Variants in LCOR observed in about 807,000 individuals in gnomAD.
The protein encoded by LCOR is ligand dependent nuclear receptor corepressor, also known as ligand-dependent corepressor.
A neutral mutation model predicts 64.4 loss-of-function variants in LCOR; 14 were observed. The observed-to-expected ratio is 0.22, with a 90% CI of 0.14 to 0.34. The LOEUF (loss-of-function observed/expected upper bound fraction) is 0.34, where lower values mean the gene tolerates loss of function less well. Among genes scored for constraint, LCOR ranks in the 10% least tolerant of loss-of-function variants. The probability of loss-of-function intolerance (pLI) is 1.00; values close to 1 mark genes in which losing one functional copy is unlikely to be tolerated. For synonymous variants in LCOR, 643 were observed against 642.5 expected, an observed-to-expected ratio of 1.00 and a Z score of -0.01; for missense variants, 1,686 against 1,765.3, an observed-to-expected ratio of 0.96 and a Z score of 0.80.
intron 4 of LCOR, among the ~76,000 whole-genome samples, chr10:96,940,269 G>C (rs191665003): frequency 7.7e-6 from 1 of 130,376 alleles, no homozygotes; most frequent in Non-Finnish European, 1.6e-5. Flanking sequence ...ATAAAAGAAT[G>C]TTGGCAAATA....
At chr10:96,947,748 T>A (rs927205640) in intron 5 of LCOR, among the ~76,000 whole-genome samples, 2 of 151,894 alleles carry the variant, frequency 1.3e-5, no homozygotes, top group African/African-American at 2.4e-5. Context: ...TTTTTTTTTT[T>A]AAAGGACTAT....
intron 4 of LCOR, among the ~76,000 whole-genome samples, chr10:96,938,517 A>C (rs1438222024): frequency 6.6e-6 from 1 of 152,150 alleles, no homozygotes; most frequent in African/African-American, 2.4e-5. Context: ...CCACCGTTGT[A>C]CATGAGGTTC....
At chr10:96,850,754 A>G (rs1426703516) in intron 2 of LCOR, among the ~76,000 whole-genome samples, 3 of 152,178 alleles carry the variant, frequency 2.0e-5, no homozygotes, top group Admixed American at 6.5e-5. Flanking sequence ...GGCTTACTAA[A>G]TTTTAAAAGA....
chr10:96,938,093 G>C (rs1361443004), intron 4 of LCOR, among the ~76,000 whole-genome samples: 1 of 152,158 alleles, frequency 6.6e-6, no homozygotes, highest in Non-Finnish European at 1.5e-5. Flanking sequence ...TGCGACCACA[G>C]ATGTGCACCA....
At chr10:96,838,600 G>C (rs950341230) in intron 2 of LCOR, among the ~76,000 whole-genome samples, 1 of 152,124 alleles carries the variant, frequency 6.6e-6, no homozygotes, top group Non-Finnish European at 1.5e-5. Flanking sequence ...TTTGTGCCTG[G>C]CTTCTTTCAC....
chr10:96,931,715 T>C (rs915448634), intron 4 of LCOR, among the ~76,000 whole-genome samples: 1 of 152,184 alleles, frequency 6.6e-6, no homozygotes, highest in Admixed American at 6.5e-5. Context: ...GTATACAAAA[T>C]TAAATTTTAT....
intron 2 of LCOR, among the ~76,000 whole-genome samples, chr10:96,864,353 T>A (rs1254774907): frequency 6.6e-6 from 1 of 152,246 alleles, no homozygotes; most frequent in East Asian, 1.9e-4. Context: ...TTCAGTTGAT[T>A]TTTCAAACAA....
At chr10:96,941,593 T>C (rs1173760842) in intron 4 of LCOR, among the ~76,000 whole-genome samples, 1 of 144,020 alleles carries the variant, frequency 6.9e-6, no homozygotes, top group Non-Finnish European at 1.5e-5. Context: ...GAGACGCTCC[T>C]CACTTTCCAG....
At chr10:96,863,848 A>T (rs1589614029) in intron 2 of LCOR, among the ~76,000 whole-genome samples, 1 of 152,156 alleles carries the variant, frequency 6.6e-6, no homozygotes, top group Admixed American at 6.5e-5. Flanking sequence ...GCCTTCTTTC[A>T]TGATGCTATC....
intron 4 of LCOR, among the ~76,000 whole-genome samples, chr10:96,920,555 T>TGTGTATATATGTATGTATATTCATATAG (rs1554837225): frequency 6.8e-6 from 1 of 147,492 alleles, no homozygotes; most frequent in African/African-American, 2.5e-5. Context: ...TTCATATATA[T>TGTGTATATATGTATGTATATTCATATAG]GTGTATATAT....
chr10:96,848,403 AT>A (rs1317332802), intron 2 of LCOR, among the ~76,000 whole-genome samples: 1 of 152,236 alleles, frequency 6.6e-6, no homozygotes, highest in Admixed American at 6.5e-5. Context: ...CACGCCTGTA[AT>A]CCCAACACTT....
intron 2 of LCOR, among the ~76,000 whole-genome samples, chr10:96,839,699 T>A (rs1845506313): frequency 6.6e-6 from 1 of 152,232 alleles, no homozygotes; most frequent in Non-Finnish European, 1.5e-5. Context: ...TTGCTTTTTT[T>A]TTTTGAGACG....
intron 4 of LCOR, among the ~76,000 whole-genome samples, chr10:96,917,690 A>G (rs577850739): frequency 6.6e-6 from 1 of 152,296 alleles, no homozygotes; most frequent in South Asian, 2.1e-4. Context: ...GGGTCTTATA[A>G]TAATTCACAA....
At chr10:96,872,124 A>C (rs1010515888) in intron 2 of LCOR, among the ~76,000 whole-genome samples, 1 of 152,234 alleles carries the variant, frequency 6.6e-6, no homozygotes, top group East Asian at 1.9e-4. Flanking sequence ...TAGCTAACTC[A>C]CATGCTACTA....
rs1266056197 is a variant in LCOR at position 96,955,368 on chromosome 10, C to T, written c.332+3172C>T. ...AAAAAAGGATGTGAGCCATTCATCT[C>T]CTGTAGATTTAAAGATACCACAAGT... is the stretch of plus-strand genomic sequence containing the variant. On this transcript the variant is annotated intron_variant, in intron 7 of 7. Transcript: ENST00000421806. 9 of 1,614,042 alleles carry T rather than the reference C, an allele frequency of 5.6e-6. 1 individual carries two copies. The South Asian group carries it at 8.8e-5, about 16-fold the overall frequency.
chr10:96,891,482 C>CT (rs745839487), intron 2 of LCOR, among the ~76,000 whole-genome samples: 2,804 of 28,482 alleles, frequency 0.098, 244 homozygotes, highest in East Asian at 0.17. Context: ...TTTTCTGACT[C>CT]TTTTTTTTTT....
At chr10:96,908,007 T>A (rs1272694291) in intron 4 of LCOR, 1 of 152,176 alleles carries the variant, frequency 6.6e-6, no homozygotes, top group African/African-American at 2.4e-5. Context: ...GTTTTTTTTT[T>A]ATTTTGAGAC....
intron 7 of LCOR, among the ~76,000 whole-genome samples, chr10:96,965,878 T>C (rs1414663655): frequency 6.6e-6 from 1 of 152,120 alleles, no homozygotes; most frequent in East Asian, 1.9e-4. Context: ...TTTATGGTCA[T>C]TTCCTGCCGT....
chr10:96,964,582 A>G (rs1324847759), intron 7 of LCOR: 23 of 152,208 alleles, frequency 1.5e-4, no homozygotes, highest in Non-Finnish European at 1.5e-5. Context: ...TCTAGATGCA[A>G]TCTTTTAGAT....
Sources: gnomAD v4.1 joint callset for allele counts (sites outside exome capture counted in the v4.1 genomes callset) on GRCh38, gnomAD v4.1.1 for gene constraint, MANE v1.5 for transcripts, NCBI Gene and HGNC (gene_info 2026-07-23, HGNC 2026-07-21) for gene names.